The following SCHIP1 variants were observed in gnomAD, a reference collection of about 807,000 sequenced individuals.
SCHIP1 encodes schwannomin-interacting protein 1.
In SCHIP1, 8 loss-of-function variants were observed where a neutral mutation model predicts 29.7. That is an observed-to-expected ratio of 0.27 (90% CI 0.16 to 0.49). The LOEUF (loss-of-function observed/expected upper bound fraction) is 0.49. Ranked by LOEUF, SCHIP1 falls within the 20% of genes least tolerant of loss-of-function variation. The probability of loss-of-function intolerance (pLI) is 0.99; values close to 1 mark genes in which losing one functional copy is unlikely to be tolerated. For synonymous variants in SCHIP1, 76 were observed against 94.9 expected, an observed-to-expected ratio of 0.80 and a Z score of 1.16; for missense variants, 193 against 294.6, an observed-to-expected ratio of 0.66 and a Z score of 2.52.
the SCHIP1 span, among the ~76,000 whole-genome samples, chr3:159,779,234 G>A: frequency 6.6e-6 from 1 of 152,166 alleles, no homozygotes; most frequent in African/African-American, 2.4e-5. Flanking sequence ...CATAGAAAAG[G>A]GTTTGGGACT....
At chr3:159,809,993 C>CA in the SCHIP1 span, among the ~76,000 whole-genome samples, 4 of 152,094 alleles carry the variant, frequency 2.6e-5, no homozygotes, top group Non-Finnish European at 5.9e-5. Context: ...AACCCTGTCT[C>CA]AAAAAAATAA....
the SCHIP1 span, among the ~76,000 whole-genome samples, chr3:159,625,684 G>A: frequency 1.3e-5 from 2 of 151,938 alleles, no homozygotes; most frequent in Non-Finnish European, 2.9e-5. Context: ...TTTCCAGAAA[G>A]CTGGTTTGTC....
chr3:159,408,352 AAAC>A, the SCHIP1 span, among the ~76,000 whole-genome samples: 1 of 151,768 alleles, frequency 6.6e-6, no homozygotes, highest in Non-Finnish European at 1.5e-5. Flanking sequence ...AAAATGAAGA[AAAC>A]ACCACAAAAC....
intron 2 of SCHIP1, among the ~76,000 whole-genome samples, chr3:159,875,841 A>C (rs1715746595): frequency 6.6e-6 from 1 of 152,164 alleles, no homozygotes; most frequent in Non-Finnish European, 1.5e-5. Context: ...GCCTGTAGTC[A>C]CAGCTACTCA....
chr3:159,787,966 T>A, the SCHIP1 span, among the ~76,000 whole-genome samples: 1 of 152,172 alleles, frequency 6.6e-6, no homozygotes, highest in African/African-American at 2.4e-5. Context: ...ATGATGAAGG[T>A]TAACCAAGGA....
chr3:159,342,579 G>A, the SCHIP1 span, among the ~76,000 whole-genome samples: 36,387 of 151,896 alleles, frequency 0.24, 4,700 homozygotes, highest in African/African-American at 0.33. Context: ...AACATTTAAT[G>A]CAACCAGATT....
At chr3:159,340,145 T>G in the SCHIP1 span, among the ~76,000 whole-genome samples, 4 of 152,124 alleles carry the variant, frequency 2.6e-5, no homozygotes, top group African/African-American at 9.7e-5. Flanking sequence ...GGAAGGATTT[T>G]AGAGACTTGA....
chr3:159,626,179 T>G, the SCHIP1 span, among the ~76,000 whole-genome samples: 43,038 of 106,694 alleles, frequency 0.4, 10,299 homozygotes, highest in East Asian at 0.73. Context: ...TATCTATCTA[T>G]CTAGATAGAT....
At chr3:159,859,421 A>G (rs1713777516) in intron 1 of SCHIP1, among the ~76,000 whole-genome samples, 1 of 152,230 alleles carries the variant, frequency 6.6e-6, no homozygotes, top group Non-Finnish European at 1.5e-5. Flanking sequence ...AATGCTACCT[A>G]TAAATGTTAG....
At chr3:159,331,212 T>G in the SCHIP1 span, among the ~76,000 whole-genome samples, 1 of 152,146 alleles carries the variant, frequency 6.6e-6, no homozygotes, top group African/African-American at 2.4e-5. Flanking sequence ...TGGGGAGCTC[T>G]GGGAGACAGG....
chr3:159,705,994 C>G, the SCHIP1 span, among the ~76,000 whole-genome samples: 3 of 152,080 alleles, frequency 2.0e-5, no homozygotes, highest in Non-Finnish European at 4.4e-5. Flanking sequence ...TGTGAGCCAC[C>G]GCACCAGGCC....
chr3:159,398,288 G>C, the SCHIP1 span, among the ~76,000 whole-genome samples: 3 of 152,084 alleles, frequency 2.0e-5, no homozygotes, highest in African/African-American at 7.2e-5. Context: ...CCCGTCTTCT[G>C]CGTCGCTCAT....
chr3:159,626,208 ATATATC>A, the SCHIP1 span, among the ~76,000 whole-genome samples: 104 of 126,960 alleles, frequency 8.2e-4, 3 homozygotes, highest in African/African-American at 3.0e-3. Flanking sequence ...AGATAGATAG[ATATATC>A]TAGATATATA....
At chr3:159,424,691 C>T in the SCHIP1 span, among the ~76,000 whole-genome samples, 38 of 152,092 alleles carry the variant, frequency 2.5e-4, no homozygotes, top group South Asian at 1.2e-3. Flanking sequence ...ATACAGAGAA[C>T]GCCACAAAGA....
At chr3:159,504,704 G>C in the SCHIP1 span, among the ~76,000 whole-genome samples, 1 of 152,092 alleles carries the variant, frequency 6.6e-6, no homozygotes, top group African/African-American at 2.4e-5. Flanking sequence ...GCTTTATGTA[G>C]AGAATCAATA....
the SCHIP1 span, among the ~76,000 whole-genome samples, chr3:159,460,956 C>T: frequency 6.6e-6 from 1 of 152,094 alleles, no homozygotes; most frequent in African/African-American, 2.4e-5. Context: ...AGAGGAACTT[C>T]GTGTTAATCA....
the SCHIP1 span, among the ~76,000 whole-genome samples, chr3:159,454,718 CT>C: frequency 2.0e-5 from 3 of 152,134 alleles, no homozygotes; most frequent in African/African-American, 7.2e-5. Flanking sequence ...AAGTCTTGTT[CT>C]TTCCCACATA....
intron 1 of SCHIP1, among the ~76,000 whole-genome samples, chr3:159,857,833 A>G (rs1311066684): frequency 6.6e-6 from 1 of 152,188 alleles, no homozygotes; most frequent in African/African-American, 2.4e-5. Context: ...ACCTAAAAAT[A>G]GGTATTATTT....
At chr3:159,569,325 A>G in the SCHIP1 span, among the ~76,000 whole-genome samples, 1 of 151,930 alleles carries the variant, frequency 6.6e-6, no homozygotes, top group Admixed American at 6.6e-5. Context: ...CTAGCCCCCC[A>G]CACACCAACA....
Sources: allele counts gnomAD v4.1 joint callset (sites outside exome capture counted in the v4.1 genomes callset), GRCh38; gene constraint gnomAD v4.1.1; transcripts MANE v1.5; gene names NCBI Gene and HGNC (gene_info 2026-07-23, HGNC 2026-07-21).